RYR3: variants seen among roughly 807,000 people sequenced by gnomAD.
The protein encoded by RYR3 is brain ryanodine receptor-calcium release channel.
RYR3 carries 207 observed loss-of-function variants against 584.3 expected under a neutral mutation model. The observed-to-expected ratio is 0.35, with a 90% CI of 0.32 to 0.40. The LOEUF is 0.40. RYR3 is among the 10% of genes least tolerant of loss of function. The probability of loss-of-function intolerance (pLI) is 1.00; values close to 1 mark genes in which losing one functional copy is unlikely to be tolerated. For missense variants in RYR3, 5,616 were observed against 6,089.2 expected (o/e 0.92, Z 2.59); for synonymous variants, 2,416 against 2,248.5 (o/e 1.07, Z -2.11).
At chr15:33,798,051 C>T (rs1220099799) in intron 67 of RYR3, among the ~76,000 whole-genome samples, 1 of 151,258 alleles carries the variant, frequency 6.6e-6, no homozygotes, top group Non-Finnish European at 1.5e-5. Flanking sequence ...TATTGTTCCT[C>T]GTTAGAAAGC....
chr15:33,644,215 G>A, intron 27 of RYR3, 96 bp from the exon 28 acceptor site: 2 of 860,242 alleles, frequency 2.3e-6, no homozygotes, highest in Non-Finnish European at 3.7e-6. Flanking sequence ...TTCCTACTGG[G>A]AGTCAAAGCC....
Position 33,636,356 on chromosome 15 carries a change from C to T in RYR3, c.3382-20C>T. On this transcript the variant is annotated intron_variant, in intron 26 of 103. Coordinates refer to ENST00000634891, the MANE Select transcript of RYR3 (RefSeq NM_001036.6). ...CTCTAGAGACTCCATTTCTCTAAGCCCTAGAGTCTTGTTTTCTAGGGCCAG... is the reference window on the plus strand; with the variant it reads ...CTCTAGAGACTCCATTTCTCTAAGCTCTAGAGTCTTGTTTTCTAGGGCCAG... 6.2e-7 allele frequency: 1 copy of T among 1,612,184 alleles called. No individual in the cohort carries two copies. The highest frequency in any genetic ancestry group is 8.5e-7 in the Non-Finnish European group (1 of 1,178,402).
At chr15:33,446,412 T>C (rs1373563084) in intron 1 of RYR3, among the ~76,000 whole-genome samples, 6 of 152,204 alleles carry the variant, frequency 3.9e-5, no homozygotes, top group Admixed American at 2.0e-4. Flanking sequence ...AGTCCATAGA[T>C]TGGGTGGCTT....
rs1307984411 is a variant in RYR3 at position 33,662,516 on chromosome 15, G to A, written c.4986G>A (p.Lys1662=). Residue 1662 remains lysine, a synonymous_variant, in exon 35 of 104, where the codon AAG becomes AAA. Transcript: ENST00000634891. ...GGGTGGGCCTGAGAACATGTCTCAA[G>A]CCCGGGTTCAGGTTCTCCACCCCTT... ...LPGVGLRTCL[K]PGFRFSTPCF... The A allele has an allele frequency of 6.2e-6, 10 of 1,614,020 alleles. No individual in the cohort carries two copies. In the African/African-American group the frequency reaches 1.3e-4, roughly 22 times the overall value.
intron 20 of RYR3, 129 bp from the exon 21 acceptor site, chr15:33,628,342 G>A (rs2061098803): frequency 3.2e-6 from 2 of 626,770 alleles, no homozygotes; most frequent in Non-Finnish European, 5.7e-6. Flanking sequence ...TGTGGGTCAG[G>A]CAGCATGAGG....
intron 8 of RYR3, among the ~76,000 whole-genome samples, chr15:33,545,776 T>C (rs1332734686): frequency 6.6e-6 from 1 of 152,120 alleles, no homozygotes; most frequent in African/African-American, 2.4e-5. Context: ...AACAGCACAC[T>C]AAAAGACTCC....
intron 1 of RYR3, among the ~76,000 whole-genome samples, chr15:33,374,728 A>G (rs1379755657): frequency 6.6e-6 from 1 of 152,188 alleles, no homozygotes; most frequent in Admixed American, 6.5e-5. Context: ...GATGAATTAC[A>G]TTGCACTAAA....
intron 14 of RYR3, among the ~76,000 whole-genome samples, chr15:33,583,182 T>C (rs2058679835): frequency 2.0e-5 from 3 of 152,160 alleles, no homozygotes; most frequent in Admixed American, 2.0e-4. Context: ...GAATTTGAGT[T>C]TTTAACAAAT....
At chr15:33,830,857 A>G in intron 85 of RYR3, 106 bp from the exon 86 acceptor site, 1 of 1,192,512 alleles carries the variant, frequency 8.4e-7, no homozygotes, top group South Asian at 1.6e-5. Context: ...TGTCAGAGCA[A>G]AGAGGTCATA....
intron 69 of RYR3, among the ~76,000 whole-genome samples, chr15:33,805,910 C>T (rs541998825): frequency 6.6e-6 from 1 of 151,986 alleles, no homozygotes; most frequent in South Asian, 2.1e-4. Flanking sequence ...TCCTCTCCCC[C>T]TCCCCTTTCA....
At chr15:33,321,639 C>T (rs1309087441) in intron 1 of RYR3, among the ~76,000 whole-genome samples, 2 of 152,142 alleles carry the variant, frequency 1.3e-5, no homozygotes, top group Non-Finnish European at 2.9e-5. Context: ...CTTCATTTCA[C>T]TCAGAAATCT....
intron 86 of RYR3, among the ~76,000 whole-genome samples, chr15:33,833,564 A>G (rs1239653521): frequency 6.6e-6 from 1 of 152,232 alleles, no homozygotes; most frequent in East Asian, 1.9e-4. Context: ...CAGTGTACCT[A>G]AGGAGATCAT....
chr15:33,418,279 T>C (rs939923285), intron 1 of RYR3, among the ~76,000 whole-genome samples: 7 of 152,038 alleles, frequency 4.6e-5, no homozygotes, highest in Non-Finnish European at 1.0e-4. Context: ...GTAAATCTGA[T>C]AGAATTCGGC....
At position 33,611,272 on chromosome 15, in the gene RYR3, T is replaced by G. The variant is rs183026479; in HGVS notation, c.2165-1911T>G. On this transcript the variant is annotated intron_variant, in intron 18 of 103. Coordinates refer to ENST00000634891, the MANE Select transcript of RYR3 (RefSeq NM_001036.6). ...CCAGTTTGAATAAAAAGTGTGTGTG[T>G]GGGGCTGGGCGCGGTGGCTCACGCC... Among the ~76,000 whole-genome samples, 74 of 152,276 alleles carry G rather than the reference T, an allele frequency of 4.9e-4. No homozygotes were observed. The East Asian group carries it at 7.2e-3, about 15-fold the overall frequency.
intron 3 of RYR3, among the ~76,000 whole-genome samples, chr15:33,515,173 C>G (rs550584539): frequency 6.6e-6 from 1 of 152,298 alleles, no homozygotes; most frequent in South Asian, 2.1e-4. Flanking sequence ...GCTGTAATGA[C>G]TGAGGCATTG....
At chr15:33,576,452 G>A (rs1044805957) in intron 12 of RYR3, among the ~76,000 whole-genome samples, 2 of 152,152 alleles carry the variant, frequency 1.3e-5, no homozygotes, top group African/African-American at 2.4e-5. Context: ...GGGATGCAAG[G>A]CTGGTTCAAC....
At chr15:33,692,241 C>G (rs1175709045) in intron 38 of RYR3, among the ~76,000 whole-genome samples, 1 of 152,178 alleles carries the variant, frequency 6.6e-6, no homozygotes, top group African/African-American at 2.4e-5. Context: ...TAATTAAAAT[C>G]TGAAGAATTT....
In RYR3 at chr15:33,479,868, T is replaced by C. The variant is rs79564164; in HGVS notation, c.171+6330T>C. On this transcript the variant is annotated intron_variant, in intron 2 of 103. Transcript: ENST00000634891. ...CATTCCTAAGTTAGAAATATATATT[T>C]TGCTTAAATCAAACAGGAACTAGTA... Among the ~76,000 whole-genome samples the C allele has an allele frequency of 2.3e-3, 345 of 152,318 alleles. 1 individual carries two copies. The highest frequency in any genetic ancestry group is 7.8e-3 in the African/African-American group (323 of 41,568).
rs138165613 is a variant in RYR3 at position 33,326,627 on chromosome 15, C to T, written c.51+15531C>T. Among the ~76,000 whole-genome samples, 5 of 152,046 alleles carry T rather than the reference C, an allele frequency of 3.3e-5. No individual in the cohort carries two copies. The East Asian group carries it at 7.7e-4, about 24-fold the overall frequency. ...GAGGCACTTGAGACAGAAGGATGAT[C>T]GTAAAGCAATACTCAGCAGTATAAA... On this transcript the variant is annotated intron_variant, in intron 1 of 103. Coordinates refer to ENST00000634891, the MANE Select transcript of RYR3 (RefSeq NM_001036.6).
Sources: allele counts gnomAD v4.1 joint callset (sites outside exome capture counted in the v4.1 genomes callset), GRCh38; gene constraint gnomAD v4.1.1; transcripts MANE v1.5; gene names NCBI Gene and HGNC (gene_info 2026-07-23, HGNC 2026-07-21).